The following VOPP1 variants were observed in gnomAD, a reference collection of about 807,000 sequenced individuals.
The protein encoded by VOPP1 is WW domain binding protein VOPP1.
VOPP1 carries 8 observed loss-of-function variants against 23.5 expected under a neutral mutation model. The ratio of observed to expected loss-of-function variants is 0.34; its 90% CI spans 0.20 to 0.61. The LOEUF (loss-of-function observed/expected upper bound fraction) is 0.61, where lower values mean the gene tolerates loss of function less well. Ranked by LOEUF, VOPP1 falls within the 20% of genes least tolerant of loss-of-function variation. The pLI, the probability that VOPP1 is intolerant of heterozygous loss-of-function variation, is 0.78. For missense variants in VOPP1, 174 were observed against 238.1 expected, an observed-to-expected ratio of 0.73 and a Z score of 1.77; for synonymous variants, 83 against 97.3, an observed-to-expected ratio of 0.85 and a Z score of 0.86.
chr7:55,488,004 G>A (rs1793273144), intron 4 of VOPP1, among the ~76,000 whole-genome samples: 1 of 152,186 alleles, frequency 6.6e-6, no homozygotes. Context: ...CACAGTGGCT[G>A]GAGCTAGTTA....
intron 1 of VOPP1, among the ~76,000 whole-genome samples, chr7:55,536,379 A>C (rs1010072098): frequency 7.2e-5 from 11 of 152,042 alleles, no homozygotes; most frequent in Non-Finnish European, 1.5e-4. Context: ...AAATACAAAA[A>C]TTAGCCCGGT....
rs1468625941 is a variant in VOPP1, at chr7:55,471,613, G to C, written c.*1242C>G. On this transcript the variant is annotated 3_prime_UTR_variant, in exon 5 of 5. Transcript: ENST00000285279. ...ACATCAACACTATAACTATGCGGCG[G>C]AACTAGCTCCCCGCTAGCCGTCAAC... The C allele has an allele frequency of 4.6e-5, 7 of 151,558 alleles. No homozygotes were observed. In the East Asian group the frequency reaches 1.2e-3, roughly 25 times the overall value. 9.4% of individuals were successfully genotyped at this position (151,558 alleles called of 1,614,324 possible).
rs1216926001 is a variant in VOPP1, at chr7:55,444,878, T to C, written n.418-8704A>G. 4.6e-5 allele frequency among the ~76,000 whole-genome samples: 7 copies of C among 152,350 alleles called. No homozygotes were observed. The East Asian group carries it at 1.4e-3, about 29-fold the overall frequency. The stretch of plus-strand genomic sequence containing the variant: ...GTTTTATTTTTGCCTGGAAGCCATT[T>C]CTTAAATTTGGCATTATTTGCCATC... On this transcript the variant is annotated intron_variant and non_coding_transcript_variant, in intron 4 of 4. Coordinates refer to the VOPP1 transcript ENST00000462326.
intron 2 of VOPP1, among the ~76,000 whole-genome samples, chr7:55,507,176 T>C (rs1794780694): frequency 6.6e-6 from 1 of 152,148 alleles, no homozygotes; most frequent in Non-Finnish European, 1.5e-5. Flanking sequence ...TGAGGAGTGC[T>C]GTGGAAAGTA....
At chr7:55,492,180 G>A in intron 4 of VOPP1, 102 bp downstream of exon 4, 2 of 1,426,072 alleles carry the variant, frequency 1.4e-6, no homozygotes, top group Non-Finnish European at 1.9e-6. Flanking sequence ...ACACACCTGA[G>A]CGCTCTCTTC....
rs185524041 is a variant in VOPP1, at chr7:55,534,054, C to T, written c.55-12924G>A. Among the ~76,000 whole-genome samples, 36 of 152,048 alleles carry T rather than the reference C, an allele frequency of 2.4e-4. 1 individual carries two copies. The highest frequency in any genetic ancestry group is 5.2e-4 in the Admixed American group (8 of 15,288). On this transcript the variant is annotated intron_variant, in intron 1 of 4. Coordinates refer to ENST00000285279, the MANE Select transcript of VOPP1 (RefSeq NM_030796.5). Reference sequence around the variant, plus strand: ...GCAAACTGTACAGCTGTCTCCCAGCCCTGTCAGCTATAATTTCTAATAGCT... The same window carrying T: ...GCAAACTGTACAGCTGTCTCCCAGCTCTGTCAGCTATAATTTCTAATAGCT...
intron 1 of VOPP1, chr7:55,561,803 G>A: frequency 1.7e-6 from 1 of 601,310 alleles, no homozygotes; most frequent in East Asian, 2.8e-5. Flanking sequence ...GAGCACGTGG[G>A]AGTAGCTTGC....
chr7:55,565,002 C>T (rs76050251), intron 1 of VOPP1, among the ~76,000 whole-genome samples: 2 of 152,090 alleles, frequency 1.3e-5, no homozygotes, highest in African/African-American at 2.4e-5. Context: ...CCTAATTTAC[C>T]GGATAATATC....
chr7:55,478,784 G>A (rs573562732), intron 4 of VOPP1, among the ~76,000 whole-genome samples: 1 of 152,326 alleles, frequency 6.6e-6, no homozygotes, highest in East Asian at 1.9e-4. Flanking sequence ...TCTAGCCACC[G>A]AGGAATGCTA....
intron 2 of VOPP1, among the ~76,000 whole-genome samples, chr7:55,501,993 C>T (rs999786584): frequency 6.6e-6 from 1 of 152,200 alleles, no homozygotes; most frequent in African/African-American, 2.4e-5. Flanking sequence ...ATGCTGGCAG[C>T]CATGCACTTG....
intron 2 of VOPP1, among the ~76,000 whole-genome samples, chr7:55,503,233 G>A (rs1190103721): frequency 1.3e-5 from 2 of 152,196 alleles, no homozygotes; most frequent in African/African-American, 2.4e-5. Flanking sequence ...GATTCGTCAT[G>A]TAAAAGGAAA....
intron 2 of VOPP1, among the ~76,000 whole-genome samples, chr7:55,510,035 A>G (rs868550915): frequency 2.0e-5 from 3 of 152,148 alleles, no homozygotes; most frequent in Non-Finnish European, 2.9e-5. Flanking sequence ...TCAGGCTGCT[A>G]TTTCTTGTGG....
chr7:55,470,020 G>A (rs1302487625), downstream of VOPP1, among the ~76,000 whole-genome samples: 1 of 152,110 alleles, frequency 6.6e-6, no homozygotes, highest in Non-Finnish European at 1.5e-5. Context: ...ATGCCAGGCT[G>A]GGTGACAGAA....
At chr7:55,524,022 G>C (rs1373636602) in intron 1 of VOPP1, among the ~76,000 whole-genome samples, 1 of 152,178 alleles carries the variant, frequency 6.6e-6, no homozygotes. Context: ...CTTTAGGCCA[G>C]GGGCAACTAA....
chr7:55,536,913 T>C (rs997183271), intron 1 of VOPP1, among the ~76,000 whole-genome samples: 1 of 152,130 alleles, frequency 6.6e-6, no homozygotes, highest in African/African-American at 2.4e-5. Flanking sequence ...GTGAACAGAA[T>C]GGCAGCCAGA....
chr7:55,510,223 A>C (rs1794985473), intron 2 of VOPP1, among the ~76,000 whole-genome samples: 1 of 152,254 alleles, frequency 6.6e-6, no homozygotes, highest in African/African-American at 2.4e-5. Flanking sequence ...TAAAGACATA[A>C]GTGATTAACT....
At chr7:55,493,725 AGAG>A (rs1387610536) in intron 3 of VOPP1, among the ~76,000 whole-genome samples, 1 of 152,242 alleles carries the variant, frequency 6.6e-6, no homozygotes, top group Non-Finnish European at 1.5e-5. Flanking sequence ...CTGAGCTTAC[AGAG>A]GAGGGAGACA....
At chr7:55,447,435 A>G (rs1269026406) in intron 4 of VOPP1, among the ~76,000 whole-genome samples, 1 of 152,170 alleles carries the variant, frequency 6.6e-6, no homozygotes, top group Non-Finnish European at 1.5e-5. Context: ...GGGCTGGTTC[A>G]AACACTTAAA....
intron 2 of VOPP1, among the ~76,000 whole-genome samples, chr7:55,518,180 C>G (rs1348118212): frequency 6.6e-6 from 1 of 152,134 alleles, no homozygotes; most frequent in Non-Finnish European, 1.5e-5. Flanking sequence ...TCACGTCTTA[C>G]AGAGGAAGCA....
Sources: allele counts gnomAD v4.1 joint callset (sites outside exome capture counted in the v4.1 genomes callset), GRCh38; gene constraint gnomAD v4.1.1; transcripts MANE v1.5; gene names NCBI Gene and HGNC (gene_info 2026-07-23, HGNC 2026-07-21).